CCDC136: variants seen among roughly 807,000 people sequenced by gnomAD.
The protein encoded by CCDC136 is coiled-coil domain containing 136, also known as coiled-coil domain-containing protein 136.
In CCDC136, 100 loss-of-function variants were observed where a neutral mutation model predicts 141.2. That is an observed-to-expected ratio of 0.71 (90% CI 0.60 to 0.84). CCDC136 has a LOEUF of 0.84. Ranked by LOEUF, CCDC136 falls within the 40% of genes least tolerant of loss-of-function variation. CCDC136 has a pLI of 0.00. For synonymous variants in CCDC136, 474 were observed against 531.9 expected (o/e 0.89, Z 1.50); for missense variants, 1,206 against 1,379.4 (o/e 0.87, Z 1.99).
intron 10 of CCDC136, among the ~76,000 whole-genome samples, chr7:128,808,122 C>T (rs553889058): frequency 1.2e-4 from 18 of 152,294 alleles, no homozygotes; most frequent in South Asian, 2.1e-4. Flanking sequence ...CTGCAGCCTC[C>T]GCCTCCTGGG....
At chr7:128,806,121 C>T in intron 7 of CCDC136, 116 bp from the exon 8 acceptor site, 1 of 1,069,164 alleles carries the variant, frequency 9.4e-7, no homozygotes, top group Non-Finnish European at 1.3e-6. Flanking sequence ...AAACCAAACC[C>T]TAGACCTGTG....
chr7:128,821,661 C>T lies in CCDC136; in HGVS notation c.*6-138C>T, dbSNP rs1280566237. ...GCCAGGACTGAGAGATCACTTACCTCCACCGGTTACCCAGGAGGTAACAGA... is the reference window on the plus strand; with the variant it reads ...GCCAGGACTGAGAGATCACTTACCTTCACCGGTTACCCAGGAGGTAACAGA... On this transcript the variant is annotated intron_variant, in intron 17 of 17. Transcript: ENST00000297788. The surrounding 1 kb of genome is among the most constrained non-coding windows in gnomAD (Gnocchi z 5.1). The T allele has an allele frequency of 5.6e-6, 3 of 535,592 alleles. No homozygotes were observed. The highest frequency in any genetic ancestry group is 2.7e-5 in the Admixed American group (1 of 36,776). The allele number at this position is 535,592 out of a possible 1,614,324, so 33.2% of individuals were successfully genotyped here. A position where few individuals can be genotyped will look rare whatever the true frequency, so the allele number is the denominator to read the frequency against.
Position 128,809,473 on chromosome 7 carries a change from G to C in CCDC136, c.1629G>C (p.Leu543=), listed in dbSNP as rs1805379375. 2 of 1,545,438 alleles carry C rather than the reference G, an allele frequency of 1.3e-6. No homozygotes were observed. Among genetic ancestry groups the C allele is most frequent in the East Asian group, 4.9e-5 (2 of 40,732 alleles). ...ANKCDTLLSR[L]TELQEKYKAS... The stretch of plus-strand genomic sequence containing the variant: ...AGTGTGACACACTGCTGTCCAGACT[G>C]ACAGAATTGCAGGAAAAGTACAAGG... Residue 543 remains leucine (L), a synonymous_variant, in exon 11 of 18, where the codon CTG becomes CTC. Transcript: ENST00000297788.
chr7:128,805,322 C>A lies in CCDC136; in HGVS notation c.783-37C>A. The A allele has an allele frequency of 6.2e-7, 1 of 1,603,934 alleles. No homozygotes were observed. Among genetic ancestry groups the A allele is most frequent in the Non-Finnish European group, 8.5e-7 (1 of 1,173,104 alleles). On this transcript the variant is annotated intron_variant, in intron 5 of 17. Coordinates refer to ENST00000297788, the MANE Select transcript of CCDC136 (RefSeq NM_022742.5). The surrounding 1 kb of genome is among the most constrained non-coding windows in gnomAD (Gnocchi z 4.6). Reference sequence around the variant, plus strand: ...GCATGGCTGGTGATGCCAGGCAGAACTCCCTTCAAGCATAGCTCTGCGGTT... The same window carrying A: ...GCATGGCTGGTGATGCCAGGCAGAAATCCCTTCAAGCATAGCTCTGCGGTT...
intron 14 of CCDC136, among the ~76,000 whole-genome samples, chr7:128,814,175 T>A (rs558016720): frequency 6.6e-6 from 1 of 151,778 alleles, no homozygotes; most frequent in South Asian, 2.1e-4. Flanking sequence ...AACCTCCGCC[T>A]CCTGGGTTCA....
intron 17 of CCDC136, among the ~76,000 whole-genome samples, chr7:128,819,777 C>T (rs1197677462): frequency 6.6e-6 from 1 of 152,150 alleles, no homozygotes; most frequent in Admixed American, 6.5e-5. Context: ...AGTCTTGCTT[C>T]CCTTTATTGT....
chr7:128,791,724 G>A (rs1562896379), upstream of CCDC136: 2 of 441,052 alleles, frequency 4.5e-6, no homozygotes, highest in Non-Finnish European at 7.5e-6. This position sits in a 1 kb window ranked among gnomAD's most constrained non-coding sequence, Gnocchi z 7.1. Flanking sequence ...TTCCGGCCTG[G>A]GACTGAGGCT....
At chr7:128,811,354 T>G (rs1198443565) in intron 12 of CCDC136, 1 of 457,024 alleles carries the variant, frequency 2.2e-6, no homozygotes, top group East Asian at 6.9e-5. Context: ...GAACTAATAG[T>G]AAGACTTTGA....
chr7:128,806,341 G>A lies in CCDC136; in HGVS notation c.1194G>A (p.Glu398=). The A allele has an allele frequency of 6.2e-7, 1 of 1,602,044 alleles. No individual in the cohort carries two copies. The highest frequency in any genetic ancestry group is 8.5e-7 in the Non-Finnish European group (1 of 1,174,350). ...AGATGCAGCTGCAACTTCAGACTGA[G>A]CTCCGGCAGCTCAAAGTCATGAAAT... ...LLKMQLQLQT[E]LRQLKVMKST... is the part of the protein sequence containing the mutation. The change falls in exon 8 of 18, where the codon GAG becomes GAA. Residue 398 remains glutamate, a synonymous_variant. Coordinates refer to ENST00000297788, the MANE Select transcript of CCDC136 (RefSeq NM_022742.5).
In CCDC136 at chr7:128,821,674, A is replaced by T; in HGVS notation, c.*6-125A>T. On this transcript the variant is annotated intron_variant, in intron 17 of 17. Coordinates refer to ENST00000297788, the MANE Select transcript of CCDC136 (RefSeq NM_022742.5). This position sits in a 1 kb window ranked among gnomAD's most constrained non-coding sequence, Gnocchi z 5.1. ...GATCACTTACCTCCACCGGTTACCC[A>T]GGAGGTAACAGAGACTGATCCACAA... 1.6e-6 allele frequency: 1 copy of T among 613,830 alleles called. No homozygotes were observed. Among genetic ancestry groups the T allele is most frequent in the South Asian group, 1.7e-5 (1 of 59,012 alleles). The allele number at this position is 613,830 out of a possible 1,614,324, so 38.0% of individuals were successfully genotyped here.
Position 128,812,849 on chromosome 7 carries a change from C to T in CCDC136, c.2683C>T (p.Leu895=), listed in dbSNP as rs746922155. 9.3e-6 allele frequency: 15 copies of T among 1,613,240 alleles called. No homozygotes were observed. The Admixed American group carries it at 2.3e-4, about 25-fold the overall frequency. ...CAAGCAGAAAGACCTGAAGGAAGAG[C>T]TGGATGCCTGTGAAAGGGAGTTCAA... ...LAKQKDLKEE[L]DACEREFKEC... is the part of the protein sequence containing the mutation. The change falls in exon 14 of 18, where the codon CTG becomes TTG. Residue 895 remains leucine (L), a synonymous_variant. Coordinates refer to ENST00000297788, the MANE Select transcript of CCDC136 (RefSeq NM_022742.5).
chr7:128,817,811 G>C lies in CCDC136; in HGVS notation c.3417G>C (p.Val1139=), dbSNP rs1361315377. The part of the protein sequence containing the change: ...PIFSLPLVGL[V]VISALLWCWW... ...TCTCCTTGCCTCTTGTAGGCCTGGT[G>C]GTCATCTCGGCTTTGCTCTGGTGCT... The change falls in exon 17 of 18, where the codon GTG becomes GTC. Residue 1139 remains valine (V), a synonymous_variant. Coordinates refer to ENST00000297788, the MANE Select transcript of CCDC136 (RefSeq NM_022742.5). This position sits in a 1 kb window ranked among gnomAD's most constrained non-coding sequence, Gnocchi z 4.6. 2 of 1,613,700 alleles carry C rather than the reference G, an allele frequency of 1.2e-6. No homozygotes were observed.
Position 128,806,719 on chromosome 7 carries a change from T to G in CCDC136, c.1280T>G (p.Leu427Arg). The G allele has an allele frequency of 6.2e-7, 1 of 1,611,074 alleles. No individual in the cohort carries two copies. Among genetic ancestry groups the G allele is most frequent in the Non-Finnish European group, 8.5e-7 (1 of 1,179,372 alleles). Residue 427 changes from leucine (L) to arginine (R), a missense_variant, in exon 9 of 18, where the codon CTC becomes CGC. Transcript: ENST00000297788. Reference protein sequence around the residue: ...ELLCRLQKLHLQHQNVTCEKE... With the variant: ...ELLCRLQKLHRQHQNVTCEKE... Reference sequence around the variant, plus strand: ...CTGTGCCGGCTGCAGAAGCTGCACCTCCAGCACCAGAACGTCACATGTGAG... The same window carrying G: ...CTGTGCCGGCTGCAGAAGCTGCACCGCCAGCACCAGAACGTCACATGTGAG...
rs1467838833 is a variant in CCDC136, at chr7:128,809,509, G to A, written c.1665G>A (p.Lys555=). The part of the protein sequence containing the change: ...ELQEKYKASQ[K]EMGQLQMEQC... ...AGGAAAAGTACAAGGCCAGCCAGAA[G>A]GAGATGGGGCAGCTGCAGATGGAGC... The change falls in exon 11 of 18, where the codon AAG becomes AAA. Residue 555 remains lysine (K), a synonymous_variant. Transcript: ENST00000297788. The A allele has an allele frequency of 6.5e-7, 1 of 1,547,590 alleles. No homozygotes were observed. Among genetic ancestry groups the A allele is most frequent in the Non-Finnish European group, 8.7e-7 (1 of 1,145,714 alleles).
At position 128,817,540 on chromosome 7, in the gene CCDC136, T is replaced by C. The variant is rs575665164; in HGVS notation, c.3364-218T>C. 6.6e-6 allele frequency among the ~76,000 whole-genome samples: 1 copy of C among 152,250 alleles called. No homozygotes were observed. Among genetic ancestry groups the C allele is most frequent in the South Asian group, 2.1e-4 (1 of 4,824 alleles). The stretch of plus-strand genomic sequence containing the variant: ...TTGGACCTAGCTGCTGCTTAACCCA[T>C]TCAATTTTGCAATTCCTGCAGACTG... On this transcript the variant is annotated intron_variant, in intron 16 of 17. Coordinates refer to ENST00000297788, the MANE Select transcript of CCDC136 (RefSeq NM_022742.5). This position sits in a 1 kb window ranked among gnomAD's most constrained non-coding sequence, Gnocchi z 4.6.
chr7:128,796,437 C>T (rs1322009866), intron 3 of CCDC136, among the ~76,000 whole-genome samples: 4 of 151,812 alleles, frequency 2.6e-5, no homozygotes, highest in South Asian at 2.1e-4. Context: ...GGCAAGAGAA[C>T]GTTCTGAGGC....
intron 3 of CCDC136, among the ~76,000 whole-genome samples, chr7:128,796,570 A>G (rs906555976): frequency 6.6e-6 from 1 of 151,778 alleles, no homozygotes; most frequent in Non-Finnish European, 1.5e-5. Flanking sequence ...TCTGCTTTAC[A>G]TTTTTAAAAG....
Position 128,809,447 on chromosome 7 carries a change from C to CCCGG in CCDC136, c.1606-3_1606-2insCCGG. 1 of 1,540,522 alleles carries CCCGG rather than the reference C, an allele frequency of 6.5e-7. No individual in the cohort carries two copies. The highest frequency in any genetic ancestry group is 8.8e-7 in the Non-Finnish European group (1 of 1,140,234). ...CCCCCTCCACACCCGCCCCCACCCACAGTGTGACACACTGCTGTCCAGACT... is the reference window on the plus strand; with the variant it reads ...CCCCCTCCACACCCGCCCCCACCCACCCGGAGTGTGACACACTGCTGTCCAGACT... On this transcript the variant is annotated splice_region_variant and splice_polypyrimidine_tract_variant and intron_variant, in intron 10 of 17. Transcript: ENST00000297788.
intron 9 of CCDC136, among the ~76,000 whole-genome samples, 157 bp downstream of exon 9, chr7:128,807,015 A>G (rs373283192): frequency 5.1e-4 from 78 of 152,314 alleles, no homozygotes; most frequent in African/African-American, 1.8e-3. Flanking sequence ...GGGAGTCACA[A>G]GGCTCTCAGC....
Sources: allele counts gnomAD v4.1 joint callset (sites outside exome capture counted in the v4.1 genomes callset), GRCh38; gene constraint gnomAD v4.1.1; non-coding constraint Gnocchi (gnomAD v3.1); transcripts MANE v1.5; gene names NCBI Gene and HGNC (gene_info 2026-07-23, HGNC 2026-07-21).